NALF1: variants seen among roughly 807,000 people sequenced by gnomAD.
The protein encoded by NALF1 is NALCN channel auxiliary factor 1.
A neutral mutation model predicts 48.4 loss-of-function variants in NALF1; 3 were observed. The ratio of observed to expected loss-of-function variants is 0.06; its 90% CI spans 0.03 to 0.16. The LOEUF is 0.16. Ranked by LOEUF, NALF1 falls within the 10% of genes least tolerant of loss-of-function variation. The pLI is 1.00. For synonymous variants in NALF1, 262 were observed against 245.7 expected, an observed-to-expected ratio of 1.07 and a Z score of -0.62; for missense variants, 526 against 571.5, an observed-to-expected ratio of 0.92 and a Z score of 0.81.
chr13:107,600,192 G>A (rs1021261801), intron 1 of NALF1, among the ~76,000 whole-genome samples: 3 of 152,208 alleles, frequency 2.0e-5, no homozygotes, highest in African/African-American at 7.2e-5. Flanking sequence ...GTGTTACAGT[G>A]ACGATTGGAA....
At chr13:107,355,773 C>A (rs959687733) in intron 1 of NALF1, among the ~76,000 whole-genome samples, 1 of 152,124 alleles carries the variant, frequency 6.6e-6, no homozygotes, top group Non-Finnish European at 1.5e-5. Context: ...CAAATTAAAC[C>A]TTTTCTTCAT....
At chr13:107,784,696 G>A (rs567017782) in intron 1 of NALF1, among the ~76,000 whole-genome samples, 24 of 152,078 alleles carry the variant, frequency 1.6e-4, no homozygotes, top group African/African-American at 5.3e-4. Flanking sequence ...AAACCACAAT[G>A]CGATACCACC....
intron 1 of NALF1, among the ~76,000 whole-genome samples, chr13:107,425,792 G>A (rs932275090): frequency 3.3e-5 from 5 of 152,018 alleles, no homozygotes; most frequent in African/African-American, 1.2e-4. Flanking sequence ...GTATGGTGTT[G>A]AGTATGCACT....
chr13:107,622,306 C>T (rs529754011), intron 1 of NALF1, among the ~76,000 whole-genome samples: 19 of 151,650 alleles, frequency 1.3e-4, no homozygotes, highest in Admixed American at 3.9e-4. Flanking sequence ...GGCATAGTGG[C>T]GCATGTCTGT....
chr13:107,299,880 A>G (rs977302138), intron 1 of NALF1, among the ~76,000 whole-genome samples: 10 of 151,996 alleles, frequency 6.6e-5, no homozygotes, highest in African/African-American at 2.2e-4. Context: ...TCCTGTTTGA[A>G]CACCTCATTT....
chr13:107,602,045 A>C (rs980904430), intron 1 of NALF1, among the ~76,000 whole-genome samples: 2 of 151,468 alleles, frequency 1.3e-5, no homozygotes, highest in Non-Finnish European at 2.9e-5. Flanking sequence ...AAAGCTCATG[A>C]TTTAATTGTA....
chr13:107,329,491 T>C (rs1049281653), intron 1 of NALF1, among the ~76,000 whole-genome samples: 4 of 149,770 alleles, frequency 2.7e-5, no homozygotes, highest in African/African-American at 7.3e-5. Context: ...TTCACTCTCT[T>C]TTTTTTTTTA....
chr13:107,827,990 G>A (rs752437004), intron 1 of NALF1, among the ~76,000 whole-genome samples: 2 of 152,104 alleles, frequency 1.3e-5, no homozygotes, highest in South Asian at 2.1e-4. Flanking sequence ...GGTAGGAAGC[G>A]TTTTGTCCCT....
chr13:107,785,087 T>C (rs553347873), intron 1 of NALF1, among the ~76,000 whole-genome samples: 45 of 152,072 alleles, frequency 3.0e-4, no homozygotes, highest in Non-Finnish European at 5.9e-4. Flanking sequence ...TATGTATATA[T>C]ACACACACAT....
At chr13:107,359,365 CT>C (rs934362606) in intron 1 of NALF1, among the ~76,000 whole-genome samples, 1 of 151,364 alleles carries the variant, frequency 6.6e-6, no homozygotes, top group African/African-American at 2.4e-5. Flanking sequence ...TGGTCTTTGC[CT>C]TCCCTTCCCT....
intron 1 of NALF1, among the ~76,000 whole-genome samples, chr13:107,510,521 A>G (rs1875852251): frequency 6.6e-6 from 1 of 152,224 alleles, no homozygotes; most frequent in South Asian, 2.1e-4. Flanking sequence ...TAAGTACTGA[A>G]TATTTTTCAG....
At chr13:107,641,152 G>T (rs560608091) in intron 1 of NALF1, among the ~76,000 whole-genome samples, 11 of 152,180 alleles carry the variant, frequency 7.2e-5, no homozygotes, top group African/African-American at 2.6e-4. Flanking sequence ...ACTATTTTAA[G>T]AACACAAAGA....
At chr13:107,612,430 T>A (rs561951670) in intron 1 of NALF1, among the ~76,000 whole-genome samples, 14 of 152,128 alleles carry the variant, frequency 9.2e-5, no homozygotes, top group Non-Finnish European at 1.9e-4. Flanking sequence ...ATACGTCGGC[T>A]TGCCTGGGCC....
At chr13:107,453,340 A>G (rs1364715140) in intron 1 of NALF1, among the ~76,000 whole-genome samples, 1 of 152,228 alleles carries the variant, frequency 6.6e-6, no homozygotes, top group African/African-American at 2.4e-5. Context: ...ATCTAGGCAG[A>G]GGTTCCCAAA....
At chr13:107,679,688 G>A (rs1378077248) in intron 1 of NALF1, among the ~76,000 whole-genome samples, 5 of 152,132 alleles carry the variant, frequency 3.3e-5, no homozygotes, top group Non-Finnish European at 5.9e-5. Flanking sequence ...AGCTCCCACT[G>A]TGGTGCTGCA....
At chr13:107,193,939 A>G (rs1340109160) in intron 2 of NALF1, among the ~76,000 whole-genome samples, 2 of 152,174 alleles carry the variant, frequency 1.3e-5, no homozygotes, top group Admixed American at 1.3e-4. Flanking sequence ...CCATATTTAT[A>G]TTGAATCTCT....
chr13:107,669,229 C>T (rs1880932981), intron 1 of NALF1, among the ~76,000 whole-genome samples: 1 of 152,048 alleles, frequency 6.6e-6, no homozygotes, highest in Non-Finnish European at 1.5e-5. Flanking sequence ...TTGAGAAATG[C>T]TAGCCATAGC....
intron 1 of NALF1, among the ~76,000 whole-genome samples, chr13:107,706,662 T>C (rs1182013566): frequency 3.3e-5 from 5 of 152,196 alleles, no homozygotes; most frequent in Non-Finnish European, 7.3e-5. Flanking sequence ...ATTTTTTAAA[T>C]AGAATGTAAG....
At chr13:107,740,539 C>A (rs1401216626) in intron 1 of NALF1, among the ~76,000 whole-genome samples, 1 of 152,152 alleles carries the variant, frequency 6.6e-6, no homozygotes, top group East Asian at 1.9e-4. Context: ...TTAGATTATT[C>A]ATCACAATCT....
Sources: gnomAD v4.1 joint callset for allele counts (sites outside exome capture counted in the v4.1 genomes callset) on GRCh38, gnomAD v4.1.1 for gene constraint, MANE v1.5 for transcripts, NCBI Gene and HGNC (gene_info 2026-07-23, HGNC 2026-07-21) for gene names.